Variants in ATP11A observed in about 807,000 individuals in gnomAD.
ATP11A encodes the protein ATPase phospholipid transporting 11A, also known as phospholipid-transporting ATPase IH.
ATP11A carries 81 observed loss-of-function variants against 154.4 expected under a neutral mutation model. That is an observed-to-expected ratio of 0.52 (90% CI 0.44 to 0.63). The LOEUF (loss-of-function observed/expected upper bound fraction) is 0.63. Ranked by LOEUF, ATP11A falls within the 30% of genes least tolerant of loss-of-function variation. The pLI is 0.00. For missense variants in ATP11A, 1,316 were observed against 1,474.3 expected (o/e 0.89, Z 1.76); for synonymous variants, 623 against 585.9 (o/e 1.06, Z -0.91).
intron 8 of ATP11A, among the ~76,000 whole-genome samples, chr13:112,822,833 C>T (rs1490468767): frequency 6.6e-6 from 1 of 151,722 alleles, no homozygotes; most frequent in Non-Finnish European, 1.5e-5. Flanking sequence ...CCAGAACATT[C>T]TGGGACCTTC....
At chr13:112,824,459 A>G in intron 10 of ATP11A, 34 bp downstream of exon 10, 6 of 1,592,748 alleles carry the variant, frequency 3.8e-6, no homozygotes, top group South Asian at 2.2e-5. Flanking sequence ...CCTGCAACTT[A>G]AAAGTGTCAT....
At chr13:112,851,409 A>G in intron 18 of ATP11A, 191 bp downstream of exon 18, 2 of 484,774 alleles carry the variant, frequency 4.1e-6, no homozygotes, top group Non-Finnish European at 7.3e-6. Flanking sequence ...CCTGGGGGAT[A>G]TTTTGTTGTC....
At position 112,883,319 on chromosome 13, in the gene ATP11A, T is replaced by C; in HGVS notation, c.*1453T>C. The C allele has an allele frequency of 2.5e-6, 1 of 397,942 alleles. No individual in the cohort carries two copies. The highest frequency in any genetic ancestry group is 4.4e-6 in the Non-Finnish European group (1 of 225,968). The allele number at this position is 397,942 out of a possible 1,614,324, so 24.7% of individuals were successfully genotyped here. ...CTATTTCTAGAAATAATATTTGACATAGCCTTAATGGTCCTTAAAGAAGAC... is the reference window on the plus strand; with the variant it reads ...CTATTTCTAGAAATAATATTTGACACAGCCTTAATGGTCCTTAAAGAAGAC... On this transcript the variant is annotated 3_prime_UTR_variant, in exon 30 of 30. Coordinates refer to ENST00000375645, the MANE Select transcript of ATP11A (RefSeq NM_015205.3).
At chr13:112,816,314 G>T in intron 6 of ATP11A, 103 bp downstream of exon 6, 6 of 1,469,304 alleles carry the variant, frequency 4.1e-6, no homozygotes, top group Non-Finnish European at 2.8e-6. Flanking sequence ...AAAAGTCACC[G>T]TTTTCATGTA....
rs548407803 is a variant in ATP11A at position 112,730,767 on chromosome 13, GA to G, written c.39+40316del. On this transcript the variant is annotated intron_variant, in intron 1 of 29. Transcript: ENST00000375645. ...TTCAGATATTTGGGGGGAAAGGGTA[GA>G]AAACTGCCCCCAGGAGGCCTGAATG... Among the ~76,000 whole-genome samples, 117 of 152,318 alleles carry G rather than the reference GA, an allele frequency of 7.7e-4. 1 individual carries two copies. Among genetic ancestry groups the G allele is most frequent in the Admixed American group, 1.7e-3 (26 of 15,298 alleles).
chr13:112,711,527 A>T (rs1475496139), intron 1 of ATP11A, among the ~76,000 whole-genome samples: 3 of 152,060 alleles, frequency 2.0e-5, no homozygotes, highest in African/African-American at 7.2e-5. Flanking sequence ...GAGAAAAAAA[A>T]AAAAGCAGCC....
intron 2 of ATP11A, among the ~76,000 whole-genome samples, chr13:112,791,829 A>T (rs1358126871): frequency 6.6e-6 from 1 of 152,134 alleles, no homozygotes. Context: ...GCAGGTTGTC[A>T]GGATGGGTTT....
At chr13:112,726,064 C>T (rs924902463) in intron 1 of ATP11A, among the ~76,000 whole-genome samples, 2 of 152,278 alleles carry the variant, frequency 1.3e-5, no homozygotes, top group Non-Finnish European at 2.9e-5. Context: ...TCTAGGGAGT[C>T]ACAATCGGTC....
chr13:112,821,724 A>G (rs916516723), intron 8 of ATP11A, among the ~76,000 whole-genome samples: 1 of 152,252 alleles, frequency 6.6e-6, no homozygotes, highest in Non-Finnish European at 1.5e-5. Flanking sequence ...CAAATTCTCA[A>G]TCCATTCAGA....
intron 1 of ATP11A, among the ~76,000 whole-genome samples, chr13:112,737,722 T>C (rs1891136794): frequency 6.6e-6 from 1 of 152,220 alleles, no homozygotes; most frequent in Non-Finnish European, 1.5e-5. Flanking sequence ...TAAGGTTACA[T>C]GGTCACTCTG....
intron 29 of ATP11A, 145 bp from the exon 30 acceptor site, chr13:112,881,731 G>A (rs1463092155): frequency 2.3e-6 from 3 of 1,315,886 alleles, no homozygotes; most frequent in Non-Finnish European, 3.0e-6. Context: ...CGATGGTAGT[G>A]AGTGCATCCC....
rs1566600948 is a variant in ATP11A, at chr13:112,872,861, AGTGTGAGCTGTGGCTTTGTCTCCCGAACG to A, written c.3058-704_3058-676del. ...GAGGTGTGGCTTTGTCTTCCTGAGC[AGTGTGAGCTGTGGCTTTGTCTCCCGAACG>A]GTGTGAGGTGTGGCTTTGTCTTCCT... On this transcript the variant is annotated intron_variant, in intron 26 of 29. Transcript: ENST00000375645. Among the ~76,000 whole-genome samples the A allele has an allele frequency of 8.1e-3, 797 of 97,804 alleles. 104 individuals carry two copies. Among genetic ancestry groups the A allele is most frequent in the African/African-American group, 0.025 (612 of 24,232 alleles). The allele number at this position is 97,804 out of a possible 152,430, so 64.2% of individuals were successfully genotyped here. A position where few individuals can be genotyped will look rare whatever the true frequency, so the allele number is the denominator to read the frequency against.
intron 16 of ATP11A, among the ~76,000 whole-genome samples, chr13:112,836,714 C>G (rs2079244255): frequency 6.6e-6 from 1 of 152,190 alleles, no homozygotes; most frequent in Non-Finnish European, 1.5e-5. Flanking sequence ...TTGGCAGTTG[C>G]CGTAACAGTG....
chr13:112,714,676 C>A (rs1006346726), intron 1 of ATP11A, among the ~76,000 whole-genome samples: 8 of 152,236 alleles, frequency 5.3e-5, no homozygotes, highest in Non-Finnish European at 8.8e-5. Context: ...AGCTTCTCGA[C>A]CTTGGGCTGG....
Position 112,875,831 on chromosome 13 carries a change from G to C in ATP11A, c.3217G>C (p.Gly1073Arg), listed in dbSNP as rs906721327. ...YYVFIQMLSSGPAWLAIVLLV... is the reference protein window; with the variant it reads ...YYVFIQMLSSRPAWLAIVLLV... The stretch of plus-strand genomic sequence containing the variant: ...CGTGTTCATCCAGATGCTGTCCAGC[G>C]GGCCCGCCTGGCTGGCCATCGTGCT... The change falls in exon 28 of 30, where the codon GGG (glycine) becomes CGG (arginine). Residue 1073 changes from glycine (G) to arginine (R), a missense_variant. Physicochemically the swap from Gly to Arg is moderately radical, Grantham distance 125. Around this residue, in one of 5 missense-constraint regions of ATP11A, gnomAD observed 294 missense variants for 290.2 expected, o/e 1.01. Coordinates refer to ENST00000375645, the MANE Select transcript of ATP11A (RefSeq NM_015205.3). The surrounding 1 kb of genome is among the most constrained non-coding windows in gnomAD (Gnocchi z 4.1). 1.9e-6 allele frequency: 3 copies of C among 1,613,802 alleles called. No individual in the cohort carries two copies. The highest frequency in any genetic ancestry group is 1.7e-6 in the Non-Finnish European group (2 of 1,180,038).
chr13:112,821,405 C>T (rs2078794077), intron 8 of ATP11A, among the ~76,000 whole-genome samples: 1 of 152,166 alleles, frequency 6.6e-6, no homozygotes, highest in African/African-American at 2.4e-5. Flanking sequence ...CCTCCACCTC[C>T]CGGGTTCAAG....
intron 1 of ATP11A, among the ~76,000 whole-genome samples, chr13:112,758,644 C>T (rs939730682): frequency 2.0e-5 from 3 of 151,806 alleles, no homozygotes; most frequent in Admixed American, 1.3e-4. Flanking sequence ...AGGATGGTCT[C>T]GATCTCCTGA....
At chr13:112,863,412 G>A (rs2080190017) in intron 25 of ATP11A, among the ~76,000 whole-genome samples, 5 of 147,928 alleles carry the variant, frequency 3.4e-5, no homozygotes, top group African/African-American at 1.2e-4. Flanking sequence ...CACCTGCGCA[G>A]TAATTCAGTG....
chr13:112,773,547 A>T (rs2077275374), intron 1 of ATP11A, among the ~76,000 whole-genome samples: 1 of 152,060 alleles, frequency 6.6e-6, no homozygotes, highest in Non-Finnish European at 1.5e-5. Flanking sequence ...GAATCCTTGA[A>T]CCTCTGGGAA....
Sources: allele counts gnomAD v4.1 joint callset (sites outside exome capture counted in the v4.1 genomes callset), GRCh38; gene constraint gnomAD v4.1.1; regional missense constraint gnomAD v4.1.1; non-coding constraint Gnocchi (gnomAD v3.1); transcripts MANE v1.5; gene names NCBI Gene and HGNC (gene_info 2026-07-23, HGNC 2026-07-21).